The following CNNM2 variants were observed in gnomAD, a reference collection of about 807,000 sequenced individuals.
The protein encoded by CNNM2 is cyclin and CBS domain divalent metal cation transport mediator 2, also known as metal transporter CNNM2.
A neutral mutation model predicts 66.9 loss-of-function variants in CNNM2; 12 were observed. The observed-to-expected ratio is 0.18, with a 90% confidence interval of 0.11 to 0.29. The LOEUF (loss-of-function observed/expected upper bound fraction) is 0.29, where lower values mean the gene tolerates loss of function less well. CNNM2 is among the 10% of genes least tolerant of loss of function. CNNM2 has a pLI of 1.00. For synonymous variants in CNNM2, 557 were observed against 501.8 expected, an observed-to-expected ratio of 1.11 and a Z score of -1.47; for missense variants, 705 against 1,167.7, an observed-to-expected ratio of 0.60 and a Z score of 5.77.
chr10:103,033,523 G>T (rs577048667), intron 1 of CNNM2, among the ~76,000 whole-genome samples: 1 of 151,928 alleles, frequency 6.6e-6, no homozygotes, highest in Non-Finnish European at 1.5e-5. Flanking sequence ...AAAGCTTCTG[G>T]TGAAGAAAAA....
Position 102,926,860 on chromosome 10 carries a change from C to T in CNNM2, c.1621+6759C>T, listed in dbSNP as rs1376155722. On this transcript the variant is annotated intron_variant, in intron 1 of 7. Coordinates refer to ENST00000369878, the MANE Select transcript of CNNM2 (RefSeq NM_017649.5). ...CTTCCCGAGAAGCTGGGATTACAGG[C>T]ACCCGCTGCCATGCCCGGCTAATTT... Among the ~76,000 whole-genome samples, 4 of 151,934 alleles carry T rather than the reference C, an allele frequency of 2.6e-5. No individual in the cohort carries two copies. In the East Asian group the frequency reaches 5.8e-4, roughly 22 times the overall value.
chr10:102,988,588 A>G (rs2063840746), intron 1 of CNNM2, among the ~76,000 whole-genome samples: 1 of 152,120 alleles, frequency 6.6e-6, no homozygotes, highest in African/African-American at 2.4e-5. Flanking sequence ...ATACAGTTTG[A>G]GTGAATGTCT....
chr10:102,965,104 A>G (rs1424015405), intron 1 of CNNM2, among the ~76,000 whole-genome samples: 1 of 152,212 alleles, frequency 6.6e-6, no homozygotes, highest in African/African-American at 2.4e-5. Flanking sequence ...CCCAGCCTCC[A>G]GAACTGTGAG....
intron 1 of CNNM2, among the ~76,000 whole-genome samples, chr10:103,040,127 A>G (rs1337317542): frequency 3.3e-5 from 5 of 152,102 alleles, no homozygotes; most frequent in Non-Finnish European, 7.3e-5. Flanking sequence ...AGATTGTACC[A>G]CTGCAGTTCA....
chr10:103,036,642 C>T (rs1424470633), intron 1 of CNNM2, among the ~76,000 whole-genome samples: 1 of 152,210 alleles, frequency 6.6e-6, no homozygotes, highest in Non-Finnish European at 1.5e-5. Flanking sequence ...ATACAACTAC[C>T]TGCTGTATAC....
chr10:103,020,450 A>T (rs2134284759), intron 1 of CNNM2, among the ~76,000 whole-genome samples: 1 of 152,158 alleles, frequency 6.6e-6, no homozygotes, highest in Middle Eastern at 3.4e-3. Flanking sequence ...GCACTTTTGA[A>T]TTCTTGTTTT....
At chr10:103,020,759 G>A (rs969874748) in intron 1 of CNNM2, among the ~76,000 whole-genome samples, 19 of 151,594 alleles carry the variant, frequency 1.3e-4, no homozygotes, top group Admixed American at 1.3e-3. Flanking sequence ...ATTGACAGTA[G>A]AATGAATGAA....
At position 103,076,150 on chromosome 10, in the gene CNNM2, C is replaced by T; in HGVS notation, c.2298C>T (p.Asp766=). The T allele has an allele frequency of 1.2e-6, 2 of 1,609,724 alleles. No homozygotes were observed. The highest frequency in any genetic ancestry group is 1.1e-5 in the South Asian group (1 of 89,888). Residue 766 remains aspartate (D), a synonymous_variant, in exon 7 of 8, where the codon GAC becomes GAT. Coordinates refer to ENST00000369878, the MANE Select transcript of CNNM2 (RefSeq NM_017649.5). ...ACTCAGACTCTCTCAGTCGAAGCGA[C>T]CGGATTGACGCCGTCACACCAACAC... ...LNHSDSLSRS[D]RIDAVTPTLG...
intron 1 of CNNM2, among the ~76,000 whole-genome samples, chr10:102,995,885 A>G (rs1444189800): frequency 6.6e-6 from 1 of 151,768 alleles, no homozygotes; most frequent in Non-Finnish European, 1.5e-5. Context: ...TTTTTAGTAG[A>G]GATGGGGTTT....
At chr10:103,066,394 C>T (rs1417974850) in intron 4 of CNNM2, among the ~76,000 whole-genome samples, 2 of 152,160 alleles carry the variant, frequency 1.3e-5, no homozygotes, top group South Asian at 2.1e-4. Context: ...ATGGCTTCTT[C>T]GAATCATGCT....
chr10:102,925,249 T>TCGTG (rs1289846359), intron 1 of CNNM2, among the ~76,000 whole-genome samples: 1 of 123,918 alleles, frequency 8.1e-6, no homozygotes, highest in Non-Finnish European at 1.6e-5. Flanking sequence ...TGAACTGAGA[T>TCGTG]CGCACCATTG....
intron 1 of CNNM2, among the ~76,000 whole-genome samples, chr10:103,034,563 C>T (rs1386432210): frequency 1.3e-5 from 2 of 152,114 alleles, no homozygotes; most frequent in Non-Finnish European, 2.9e-5. Flanking sequence ...ATCTTGTCTA[C>T]TTGTGTTGTA....
At chr10:103,018,848 C>T (rs1172333947) in intron 1 of CNNM2, among the ~76,000 whole-genome samples, 2 of 150,806 alleles carry the variant, frequency 1.3e-5, no homozygotes, top group African/African-American at 4.8e-5. Context: ...TAGTAGAGGT[C>T]GGGTTTCACC....
At chr10:103,018,662 G>T (rs187271734) in intron 1 of CNNM2, among the ~76,000 whole-genome samples, 1 of 149,114 alleles carries the variant, frequency 6.7e-6, no homozygotes, top group Non-Finnish European at 1.5e-5. Flanking sequence ...TATGGTGGAA[G>T]CAAGGTAAAT....
intron 1 of CNNM2, among the ~76,000 whole-genome samples, chr10:102,938,157 C>T (rs571162174): frequency 1.5e-4 from 22 of 151,118 alleles, no homozygotes; most frequent in African/African-American, 2.4e-4. Context: ...AAAATTAGGC[C>T]GGGTGCGGTG....
intron 4 of CNNM2, among the ~76,000 whole-genome samples, chr10:103,060,135 A>G (rs2065359453): frequency 6.6e-6 from 1 of 151,532 alleles, no homozygotes; most frequent in African/African-American, 2.4e-5. Context: ...AGCATGTCTC[A>G]ATAAAAAAGC....
chr10:102,940,041 TAGAC>T (rs1846373454), intron 1 of CNNM2, among the ~76,000 whole-genome samples: 1 of 152,094 alleles, frequency 6.6e-6, no homozygotes, highest in Non-Finnish European at 1.5e-5. Context: ...AAAGAGGAAT[TAGAC>T]AGATTTCCTG....
intron 2 of CNNM2, among the ~76,000 whole-genome samples, chr10:103,053,985 C>T (rs894205755): frequency 2.6e-4 from 39 of 152,142 alleles, no homozygotes; most frequent in African/African-American, 7.7e-4. Flanking sequence ...CTCCAGGCTG[C>T]GCGCCCTGTT....
intron 1 of CNNM2, among the ~76,000 whole-genome samples, chr10:102,924,099 G>A (rs1024362874): frequency 6.6e-6 from 1 of 152,144 alleles, no homozygotes; most frequent in South Asian, 2.1e-4. Flanking sequence ...GTCTAAATAA[G>A]AGAATAAATT....
Sources: gnomAD v4.1 joint callset for allele counts (sites outside exome capture counted in the v4.1 genomes callset) on GRCh38, gnomAD v4.1.1 for gene constraint, MANE v1.5 for transcripts, NCBI Gene and HGNC (gene_info 2026-07-23, HGNC 2026-07-21) for gene names.